Variants in ZNF710 observed in about 807,000 individuals in gnomAD.
ZNF710 encodes zinc finger protein 710.
A neutral mutation model predicts 50.6 loss-of-function variants in ZNF710; 13 were observed. That is an observed-to-expected ratio of 0.26 (90% CI 0.17 to 0.41). The LOEUF (loss-of-function observed/expected upper bound fraction) is 0.41. Ranked by LOEUF, ZNF710 falls within the 10% of genes least tolerant of loss-of-function variation. The pLI is 1.00. For synonymous variants in ZNF710, 383 were observed against 397.0 expected (o/e 0.96, Z 0.42); for missense variants, 721 against 936.6 (o/e 0.77, Z 3.01).
At chr15:90,008,085 A>G (rs1898183748) in intron 1 of ZNF710, among the ~76,000 whole-genome samples, 1 of 152,086 alleles carries the variant, frequency 6.6e-6, no homozygotes, top group South Asian at 2.1e-4. Flanking sequence ...GCAACAGGAA[A>G]TTGGGGTAGA....
At chr15:90,035,090 G>A (rs566860748) in intron 1 of ZNF710, among the ~76,000 whole-genome samples, 2 of 152,232 alleles carry the variant, frequency 1.3e-5, no homozygotes, top group African/African-American at 2.4e-5. Flanking sequence ...GAGAAGGGGA[G>A]CACTGCTGGA....
At chr15:90,058,157 C>G (rs988875780) in intron 1 of ZNF710, among the ~76,000 whole-genome samples, 1 of 152,152 alleles carries the variant, frequency 6.6e-6, no homozygotes, top group Non-Finnish European at 1.5e-5. Context: ...GGGAGGGGCT[C>G]TCTCACCTGG....
intron 1 of ZNF710, among the ~76,000 whole-genome samples, chr15:90,041,136 C>G (rs1036687686): frequency 6.6e-6 from 1 of 151,806 alleles, no homozygotes; most frequent in African/African-American, 2.4e-5. Flanking sequence ...CTGATCAATT[C>G]TGTTTTTTTT....
Position 90,073,148 on chromosome 15 carries a change from C to A in ZNF710, c.1536C>A (p.Ile512=). Residue 512 remains isoleucine (I), a synonymous_variant, in exon 3 of 5, where the codon ATC becomes ATA. Transcript: ENST00000268154. ...LQANMKRHML[I]HTSVRPYQCH... is the part of the protein sequence containing the mutation. ...CGAACATGAAGCGGCACATGCTGAT[C>A]CACACCAGCGTCCGGCCCTACCAGT... 6.2e-7 allele frequency: 1 copy of A among 1,614,194 alleles called. No homozygotes were observed.
chr15:90,067,304 T>A lies in ZNF710; in HGVS notation c.167T>A (p.Met56Lys). Residue 56 changes from methionine to lysine, a missense_variant, in exon 2 of 5, where the codon ATG (methionine) becomes AAG (lysine). Physicochemically the swap from Met to Lys is moderately conservative, Grantham distance 95 (BLOSUM62 -1). This residue lies in a region of ZNF710 where 326 missense variants were observed against 347.1 expected (regional missense o/e 0.94). Coordinates refer to ENST00000268154, the MANE Select transcript of ZNF710 (RefSeq NM_198526.4). This position sits in a 1 kb window ranked among gnomAD's most constrained non-coding sequence, Gnocchi z 8.1. ...DLGPELSGAA[M>K]GEPEPPGPDV... ...GGGCCCGAGCTTTCAGGGGCAGCCA[T>A]GGGAGAGCCCGAGCCACCAGGCCCC... is the stretch of plus-strand genomic sequence containing the variant. 1 of 1,610,406 alleles carries A rather than the reference T, an allele frequency of 6.2e-7. No individual in the cohort carries two copies. The highest frequency in any genetic ancestry group is 1.3e-5 in the African/African-American group (1 of 74,968).
At chr15:90,049,762 A>G (rs1899580676) in intron 1 of ZNF710, among the ~76,000 whole-genome samples, 1 of 152,060 alleles carries the variant, frequency 6.6e-6, no homozygotes, top group African/African-American at 2.4e-5. Context: ...CCTGCAGCCA[A>G]CAGGCTGCCT....
chr15:90,074,509 A>G, intron 4 of ZNF710: 2 of 1,503,662 alleles, frequency 1.3e-6, no homozygotes, highest in South Asian at 2.4e-5. Flanking sequence ...CACGTAAACA[A>G]TATAATAAAA....
chr15:90,073,011 G>A, intron 2 of ZNF710, 60 bp from the exon 3 acceptor site: 2 of 1,555,684 alleles, frequency 1.3e-6, no homozygotes, highest in Non-Finnish European at 1.8e-6. Flanking sequence ...TCCCCACAAA[G>A]GGTCACTGCC....
chr15:90,017,203 TG>T (rs1349460046), intron 1 of ZNF710, among the ~76,000 whole-genome samples: 1 of 152,192 alleles, frequency 6.6e-6, no homozygotes, highest in East Asian at 1.9e-4. Flanking sequence ...TATTCAGAAG[TG>T]CCATTGGATA....
chr15:90,031,810 A>C (rs1479800432), intron 1 of ZNF710, among the ~76,000 whole-genome samples: 2 of 152,192 alleles, frequency 1.3e-5, no homozygotes, highest in Non-Finnish European at 2.9e-5. Context: ...CCTGCACCTT[A>C]AAATACCCTC....
chr15:90,017,185 T>C (rs1898479716), intron 1 of ZNF710, among the ~76,000 whole-genome samples: 1 of 152,180 alleles, frequency 6.6e-6, no homozygotes, highest in Non-Finnish European at 1.5e-5. Context: ...TTTTTAAAAA[T>C]ATTTTTCTAT....
chr15:90,048,900 C>G (rs944732231), intron 1 of ZNF710, among the ~76,000 whole-genome samples: 1 of 152,188 alleles, frequency 6.6e-6, no homozygotes, highest in African/African-American at 2.4e-5. Context: ...CCAGGGGCTC[C>G]CGTGTGGACC....
At chr15:90,063,255 G>T (rs910910056) in intron 1 of ZNF710, among the ~76,000 whole-genome samples, 8 of 152,140 alleles carry the variant, frequency 5.3e-5, no homozygotes, top group African/African-American at 1.9e-4. Flanking sequence ...CCAGCTGTGG[G>T]GCCACACGGG....
Position 90,079,667 on chromosome 15 carries a change from G to A in ZNF710, c.1833G>A (p.Met611Ile), listed in dbSNP as rs746869285. 1 of 1,613,350 alleles carries A rather than the reference G, an allele frequency of 6.2e-7. No homozygotes were observed. The highest frequency in any genetic ancestry group is 8.5e-7 in the Non-Finnish European group (1 of 1,179,684). The change falls in exon 5 of 5, where the codon ATG (methionine) becomes ATA (isoleucine). Residue 611 changes from methionine to isoleucine, a missense_variant. Met to Ile is a conservative substitution (Grantham distance 10). This residue lies in a region of ZNF710 where 326 missense variants were observed against 522.0 expected (regional missense o/e 0.62). Transcript: ENST00000268154. ...TGTGCCCCTCTCTTACAGACCCCAT[G>A]ATGGAGCTGACAGGCACTGACCCTT... is the stretch of plus-strand genomic sequence containing the variant. The part of the protein sequence containing the change: ...MDIGLDSQDP[M>I]MELTGTDPSE...
chr15:90,063,199 G>A (rs552602198), intron 1 of ZNF710, among the ~76,000 whole-genome samples: 3 of 152,214 alleles, frequency 2.0e-5, no homozygotes, highest in African/African-American at 4.8e-5. Flanking sequence ...AGCCAGGCTC[G>A]GGTGTGACCT....
chr15:90,080,701 AG>A lies in ZNF710; in HGVS notation c.*877del, dbSNP rs1900701758. On this transcript the variant is annotated 3_prime_UTR_variant, in exon 5 of 5. Transcript: ENST00000268154. ...GGAGGCCCAGGACCACCTGTCGGGG[AG>A]GGGGACCGCAGTCATTTCTCATTCC... 6.6e-6 allele frequency: 1 copy of A among 152,256 alleles called. No homozygotes were observed. The highest frequency in any genetic ancestry group is 2.4e-5 in the African/African-American group (1 of 41,442). The allele number at this position is 152,256 out of a possible 1,614,324, so 9.4% of individuals were successfully genotyped here.
In ZNF710 at chr15:90,059,970, C is replaced by CA. The variant is rs886209279; in HGVS notation, c.-28-7136dup. ...CCCCAGGGCCCTGGACTCCAAGGGGCAAAAGGCCCAGAGCCACATCCTGGA... is the reference window on the plus strand; with the variant it reads ...CCCCAGGGCCCTGGACTCCAAGGGGCAAAAAGGCCCAGAGCCACATCCTGGA... On this transcript the variant is annotated intron_variant, in intron 1 of 4. Coordinates refer to ENST00000268154, the MANE Select transcript of ZNF710 (RefSeq NM_198526.4). This position sits in a 1 kb window ranked among gnomAD's most constrained non-coding sequence, Gnocchi z 4.1. Among the ~76,000 whole-genome samples the CA allele has an allele frequency of 6.6e-6, 1 of 152,182 alleles. No homozygotes were observed. The highest frequency in any genetic ancestry group is 2.4e-5 in the African/African-American group (1 of 41,440).
At position 90,034,553 on chromosome 15, in the gene ZNF710, G is replaced by A. The variant is rs1296839068; in HGVS notation, c.-28-32557G>A. 6.6e-6 allele frequency among the ~76,000 whole-genome samples: 1 copy of A among 151,744 alleles called. No individual in the cohort carries two copies. Among genetic ancestry groups the A allele is most frequent in the Non-Finnish European group, 1.5e-5 (1 of 67,968 alleles). ...AGGAAACAACCATCGGTTTCCTGCT[G>A]ATTAACTCAGTTCCTGGAGGGCCCT... On this transcript the variant is annotated intron_variant, in intron 1 of 4. Transcript: ENST00000268154. This position sits in a 1 kb window ranked among gnomAD's most constrained non-coding sequence, Gnocchi z 4.0.
At chr15:90,021,243 C>A (rs1190349158) in intron 1 of ZNF710, among the ~76,000 whole-genome samples, 1 of 152,194 alleles carries the variant, frequency 6.6e-6, no homozygotes, top group African/African-American at 2.4e-5. Context: ...CCTGAAAGAG[C>A]CCCGCTGAAG....
Sources: allele counts gnomAD v4.1 joint callset (sites outside exome capture counted in the v4.1 genomes callset), GRCh38; gene constraint gnomAD v4.1.1; regional missense constraint gnomAD v4.1.1; non-coding constraint Gnocchi (gnomAD v3.1); transcripts MANE v1.5; gene names NCBI Gene and HGNC (gene_info 2026-07-23, HGNC 2026-07-21).